Variants in NEURL1 observed in about 807,000 individuals in gnomAD.
NEURL1 encodes E3 ubiquitin-protein ligase NEURL1.
A neutral mutation model predicts 41.2 loss-of-function variants in NEURL1; 26 were observed. That is an observed-to-expected ratio of 0.63 (90% CI 0.46 to 0.87). The LOEUF (loss-of-function observed/expected upper bound fraction) is 0.87. Among genes scored for constraint, NEURL1 ranks in the 40% least tolerant of loss-of-function variants. NEURL1 has a pLI of 0.00. For missense variants in NEURL1, 761 were observed against 871.1 expected (o/e 0.87, Z 1.59); for synonymous variants, 400 against 402.3 (o/e 0.99, Z 0.07).
chr10:103,532,525 C>A (rs1214806648), intron 1 of NEURL1, among the ~76,000 whole-genome samples: 4 of 152,106 alleles, frequency 2.6e-5, no homozygotes, highest in Non-Finnish European at 5.9e-5. Flanking sequence ...TGAAGGATAG[C>A]TTTGCTGGAT....
intron 4 of NEURL1, among the ~76,000 whole-genome samples, chr10:103,585,475 G>C (rs2035900711): frequency 6.6e-6 from 1 of 152,172 alleles, no homozygotes; most frequent in African/African-American, 2.4e-5. Flanking sequence ...CCCAGAATCA[G>C]ATCAACCCAT....
At chr10:103,498,490 T>C in intron 1 of NEURL1, among the ~76,000 whole-genome samples, 1 of 152,144 alleles carries the variant, frequency 6.6e-6, no homozygotes, top group Non-Finnish European at 1.5e-5. Flanking sequence ...CCTCCCAAAG[T>C]GCTGGGATTA....
chr10:103,575,295 C>T (rs1330416293), intron 3 of NEURL1, among the ~76,000 whole-genome samples: 4 of 152,120 alleles, frequency 2.6e-5, no homozygotes, highest in Non-Finnish European at 4.4e-5. Context: ...TCCTTCTCCC[C>T]GCTGCTGTCT....
intron 1 of NEURL1, among the ~76,000 whole-genome samples, chr10:103,521,863 A>G (rs1564809026): frequency 1.3e-5 from 2 of 152,182 alleles, no homozygotes; most frequent in African/African-American, 4.8e-5. Flanking sequence ...GAGACCACCA[A>G]ACAGGCTTTG....
At chr10:103,574,572 G>A (rs2035618003) in intron 3 of NEURL1, among the ~76,000 whole-genome samples, 2 of 152,252 alleles carry the variant, frequency 1.3e-5, no homozygotes, top group African/African-American at 4.8e-5. Flanking sequence ...GAGGTCAGTG[G>A]GGGAGGATGG....
chr10:103,555,374 C>G, intron 1 of NEURL1: 1 of 1,357,042 alleles, frequency 7.4e-7, no homozygotes, highest in Non-Finnish European at 9.8e-7. Context: ...CTGCCCGTCG[C>G]CGGAGATGGG....
Position 103,558,243 on chromosome 10 carries a change from G to A in NEURL1, c.86-12629G>A, listed in dbSNP as rs1006983449. 87 of 985,188 alleles carry A rather than the reference G, an allele frequency of 8.8e-5. No homozygotes were observed. Among genetic ancestry groups the A allele is most frequent in the African/African-American group, 7.9e-4 (45 of 57,158 alleles). 61.0% of individuals were successfully genotyped at this position (985,188 alleles called of 1,614,324 possible). ...CGGGCCAAACATTTTGGATTGCTGC[G>A]TTAAAGTGAGTGAGGGGAGGGTGAC... On this transcript the variant is annotated intron_variant, in intron 1 of 5. Transcript: ENST00000369780. The surrounding 1 kb of genome is among the most constrained non-coding windows in gnomAD (Gnocchi z 4.2).
intron 3 of NEURL1, among the ~76,000 whole-genome samples, chr10:103,582,775 G>C (rs1292555120): frequency 6.6e-6 from 1 of 152,254 alleles, no homozygotes; most frequent in Non-Finnish European, 1.5e-5. Context: ...CCCTTGGAGA[G>C]GTTCAGGGAG....
At chr10:103,562,860 G>A (rs10883882) in intron 1 of NEURL1, among the ~76,000 whole-genome samples, 27,748 of 152,224 alleles carry the variant, frequency 0.18, 2,614 homozygotes, top group South Asian at 0.21. Context: ...GCCAAGCCTG[G>A]AAATCAAAGA....
chr10:103,585,327 G>C, intron 4 of NEURL1, 102 bp downstream of exon 4: 1 of 1,095,468 alleles, frequency 9.1e-7, no homozygotes, highest in Non-Finnish European at 1.2e-6. Context: ...GGCTCATGAT[G>C]GTGTTGCTAA....
intron 1 of NEURL1, among the ~76,000 whole-genome samples, chr10:103,561,543 C>T: frequency 6.6e-6 from 1 of 152,196 alleles, no homozygotes; most frequent in Non-Finnish European, 1.5e-5. Context: ...GGATTACAGG[C>T]ATGAGCCACT....
At chr10:103,571,276 A>G (rs2035538572) in intron 2 of NEURL1, among the ~76,000 whole-genome samples, 163 bp downstream of exon 2, 1 of 151,600 alleles carries the variant, frequency 6.6e-6, no homozygotes, top group Non-Finnish European at 1.5e-5. Context: ...CCTCTTCCTT[A>G]TGCCTTTCTC....
In NEURL1 at chr10:103,526,008, T is replaced by C. The variant is rs114970430; in HGVS notation, c.85+31536T>C. ...TTGTGCATCTATTGAGAGGAGCATA[T>C]GGTTTTTGTCCTTCATTCTGTTGAT... On this transcript the variant is annotated intron_variant, in intron 1 of 5. Coordinates refer to ENST00000369780, the MANE Select transcript of NEURL1 (RefSeq NM_004210.5). 1.6e-3 allele frequency among the ~76,000 whole-genome samples: 250 copies of C among 152,346 alleles called. 1 individual carries two copies. The highest frequency in any genetic ancestry group is 4.9e-3 in the African/African-American group (204 of 41,590).
chr10:103,503,546 T>G (rs2033872841), intron 1 of NEURL1, among the ~76,000 whole-genome samples: 1 of 151,610 alleles, frequency 6.6e-6, no homozygotes, highest in African/African-American at 2.4e-5. Flanking sequence ...CGGTAAGAGG[T>G]AGGTGGGAGA....
chr10:103,504,412 A>G (rs962258156), intron 1 of NEURL1, among the ~76,000 whole-genome samples: 1 of 151,994 alleles, frequency 6.6e-6, no homozygotes, highest in Non-Finnish European at 1.5e-5. Context: ...CTGTCTCTCT[A>G]TTGGGATTTT....
In NEURL1 at chr10:103,498,480, C is replaced by T. The variant is rs537797530; in HGVS notation, c.85+4008C>T. Among the ~76,000 whole-genome samples, 210 of 152,360 alleles carry T rather than the reference C, an allele frequency of 1.4e-3. 1 individual carries two copies. Among genetic ancestry groups the T allele is most frequent in the Non-Finnish European group, 2.0e-3 (138 of 68,030 alleles). ...TGACCTTGTGATCCGCCCGCCTCGG[C>T]CTCCCAAAGTGCTGGGATTACAGGT... On this transcript the variant is annotated intron_variant, in intron 1 of 5. Coordinates refer to ENST00000369780, the MANE Select transcript of NEURL1 (RefSeq NM_004210.5).
chr10:103,562,701 G>A (rs904219497), intron 1 of NEURL1, among the ~76,000 whole-genome samples: 1 of 152,210 alleles, frequency 6.6e-6, no homozygotes, highest in Non-Finnish European at 1.5e-5. Context: ...GGCTGATGGG[G>A]TCCTCAAAGG....
chr10:103,498,990 A>G (rs908502486), intron 1 of NEURL1, among the ~76,000 whole-genome samples: 3 of 152,246 alleles, frequency 2.0e-5, no homozygotes, highest in East Asian at 1.9e-4. Flanking sequence ...TAATGCTGCT[A>G]TGAACATCTG....
In NEURL1 at chr10:103,508,515, A is replaced by G. The variant is rs1420621133; in HGVS notation, c.85+14043A>G. Among the ~76,000 whole-genome samples, 1 of 152,142 alleles carries G rather than the reference A, an allele frequency of 6.6e-6. No individual in the cohort carries two copies. Among genetic ancestry groups the G allele is most frequent in the Non-Finnish European group, 1.5e-5 (1 of 68,016 alleles). On this transcript the variant is annotated intron_variant, in intron 1 of 5. Coordinates refer to ENST00000369780, the MANE Select transcript of NEURL1 (RefSeq NM_004210.5). This position sits in a 1 kb window ranked among gnomAD's most constrained non-coding sequence, Gnocchi z 4.3. ...TGGAGTGCCAGCCCTGTCTGGGTGGACAGACTTTCTCACCCACCCCTCCGC... is the reference window on the plus strand; with the variant it reads ...TGGAGTGCCAGCCCTGTCTGGGTGGGCAGACTTTCTCACCCACCCCTCCGC...
Sources: gnomAD v4.1 joint callset for allele counts (sites outside exome capture counted in the v4.1 genomes callset) on GRCh38, gnomAD v4.1.1 for gene constraint, Gnocchi (gnomAD v3.1) non-coding constraint, MANE v1.5 for transcripts, NCBI Gene and HGNC (gene_info 2026-07-23, HGNC 2026-07-21) for gene names.